The following MYOCD variants were observed in gnomAD, a reference collection of about 807,000 sequenced individuals.
MYOCD encodes myocardin.
A neutral mutation model predicts 96.1 loss-of-function variants in MYOCD; 32 were observed. The observed-to-expected ratio is 0.33, with a 90% confidence interval of 0.25 to 0.45. MYOCD has a LOEUF of 0.45. Ranked by LOEUF, MYOCD falls within the 20% of genes least tolerant of loss-of-function variation. The pLI, the probability that MYOCD is intolerant of heterozygous loss-of-function variation, is 1.00. For synonymous variants in MYOCD, 469 were observed against 469.0 expected (o/e 1.00, Z 0.00); for missense variants, 1,133 against 1,200.6 (o/e 0.94, Z 0.83).
intron 2 of MYOCD, among the ~76,000 whole-genome samples, chr17:12,708,398 C>CTTT (rs879670933): frequency 6.8e-6 from 1 of 146,196 alleles, no homozygotes; most frequent in Non-Finnish European, 1.5e-5. Context: ...AATAGAAATA[C>CTTT]TTTTTTTTTT....
At chr17:12,692,769 G>T (rs542932753) in intron 1 of MYOCD, among the ~76,000 whole-genome samples, 1 of 152,190 alleles carries the variant, frequency 6.6e-6, no homozygotes, top group South Asian at 2.1e-4. Context: ...GAGTGCCTCT[G>T]CTTTCTCTCC....
At chr17:12,745,078 G>A (rs1047576819) in intron 8 of MYOCD, among the ~76,000 whole-genome samples, 1 of 152,164 alleles carries the variant, frequency 6.6e-6, no homozygotes, top group Non-Finnish European at 1.5e-5. Flanking sequence ...GAGCAATTCC[G>A]ATGCCCTTCT....
intron 1 of MYOCD, among the ~76,000 whole-genome samples, chr17:12,673,923 G>A (rs1909859616): frequency 6.6e-6 from 1 of 152,192 alleles, no homozygotes. Context: ...TTTCAGTAGA[G>A]ATTGAAAAGG....
rs549551946 is a variant in MYOCD at position 12,757,813 on chromosome 17, T to C, written c.2203-272T>C. 1.4e-4 allele frequency among the ~76,000 whole-genome samples: 22 copies of C among 152,138 alleles called. No homozygotes were observed. In the East Asian group the frequency reaches 4.3e-3, roughly 30 times the overall value. On this transcript the variant is annotated intron_variant, in intron 11 of 13. Coordinates refer to ENST00000425538, the MANE Select transcript of MYOCD (RefSeq NM_001146312.3). The stretch of plus-strand genomic sequence containing the variant: ...CTAGCCTGATCTGTTTGTATTGAAT[T>C]GGACTGTTACTTATTTTCCCCTAAA...
At position 12,702,865 on chromosome 17, in the gene MYOCD, G is replaced by T. The variant is rs1008352074; in HGVS notation, c.56-2263G>T. Among the ~76,000 whole-genome samples the T allele has an allele frequency of 5.9e-5, 9 of 151,894 alleles. No homozygotes were observed. In the East Asian group the frequency reaches 1.4e-3, roughly 23 times the overall value. On this transcript the variant is annotated intron_variant, in intron 1 of 13. Coordinates refer to ENST00000425538, the MANE Select transcript of MYOCD (RefSeq NM_001146312.3). ...TACATCTATGTGCTTTAAGAGCATC[G>T]CAAGACAATGTTATAATTTTTCCTT... is the stretch of plus-strand genomic sequence containing the variant.
chr17:12,705,450 A>G (rs149064195), intron 2 of MYOCD: 15 of 361,724 alleles, frequency 4.1e-5, no homozygotes, highest in African/African-American at 2.7e-4. Context: ...GGTAAACACA[A>G]TTCATTATGG....
intron 1 of MYOCD, among the ~76,000 whole-genome samples, chr17:12,696,152 T>C (rs2030739121): frequency 8.2e-6 from 1 of 121,638 alleles, no homozygotes. Context: ...CACCTCCTAT[T>C]TTTTTTTAGT....
At chr17:12,667,005 A>C (rs1210932610) in intron 1 of MYOCD, among the ~76,000 whole-genome samples, 1 of 152,188 alleles carries the variant, frequency 6.6e-6, no homozygotes, top group Non-Finnish European at 1.5e-5. Flanking sequence ...TGACTTCTGA[A>C]GTTATTTTTC....
chr17:12,743,853 C>A (rs2032583311), intron 7 of MYOCD, among the ~76,000 whole-genome samples: 1 of 152,130 alleles, frequency 6.6e-6, no homozygotes, highest in South Asian at 2.1e-4. Flanking sequence ...TTTGTTAGGT[C>A]ATCAGTTGGT....
intron 2 of MYOCD, among the ~76,000 whole-genome samples, chr17:12,711,948 G>A (rs1219051184): frequency 7.1e-6 from 1 of 141,632 alleles, no homozygotes; most frequent in East Asian, 2.0e-4. Context: ...TTTTGAGACA[G>A]AGTCTCACTC....
At chr17:12,747,850 A>AT (rs1341079677) in intron 9 of MYOCD, among the ~76,000 whole-genome samples, 3 of 148,034 alleles carry the variant, frequency 2.0e-5, no homozygotes, top group Non-Finnish European at 3.0e-5. Context: ...TATGTGGATA[A>AT]TTTTTTGGAT....
At chr17:12,675,319 A>G (rs556503483) in intron 1 of MYOCD, among the ~76,000 whole-genome samples, 1 of 152,320 alleles carries the variant, frequency 6.6e-6, no homozygotes, top group African/African-American at 2.4e-5. Flanking sequence ...TAACAGATAC[A>G]ATTTTATCAC....
intron 5 of MYOCD, 109 bp downstream of exon 5, chr17:12,723,117 G>A: frequency 9.6e-7 from 1 of 1,046,578 alleles, no homozygotes; most frequent in South Asian, 1.6e-5. Context: ...CACCAGATAA[G>A]AGCCATACCA....
chr17:12,751,360 A>G (rs79780831), intron 9 of MYOCD, among the ~76,000 whole-genome samples: 1,701 of 152,150 alleles, frequency 0.011, 30 homozygotes, highest in African/African-American at 0.037. Context: ...TTCACTTGTT[A>G]CTATACCACA....
Position 12,768,380 on chromosome 17 carries a change from A to G in MYOCD, c.*4736A>G, listed in dbSNP as rs977813310. 1 of 152,234 alleles carries G rather than the reference A, an allele frequency of 6.6e-6. No individual in the cohort carries two copies. The highest frequency in any genetic ancestry group is 1.5e-5 in the Non-Finnish European group (1 of 68,036). 9.4% of individuals were successfully genotyped at this position (152,234 alleles called of 1,614,324 possible). ...GGGAAATTATCACAGGACTCATTGAATGCAATAACATGTGAGTAAGTTCCC... is the reference window on the plus strand; with the variant it reads ...GGGAAATTATCACAGGACTCATTGAGTGCAATAACATGTGAGTAAGTTCCC... On this transcript the variant is annotated 3_prime_UTR_variant, in exon 14 of 14. Transcript: ENST00000425538.
rs146472923 is a variant in MYOCD, at chr17:12,682,135, C to T, written c.55+15892C>T. Among the ~76,000 whole-genome samples the T allele has an allele frequency of 1.5e-4, 23 of 152,292 alleles. No individual in the cohort carries two copies. The East Asian group carries it at 4.3e-3, about 28-fold the overall frequency. ...AGCATTCTGTCAGCCACCCTCTTCT[C>T]TTTACCGGGAAATTCGATGCTTCTG... On this transcript the variant is annotated intron_variant, in intron 1 of 13. Coordinates refer to ENST00000425538, the MANE Select transcript of MYOCD (RefSeq NM_001146312.3).
At chr17:12,727,514 G>A (rs2032033579) in intron 5 of MYOCD, among the ~76,000 whole-genome samples, 1 of 152,114 alleles carries the variant, frequency 6.6e-6, no homozygotes, top group South Asian at 2.1e-4. Flanking sequence ...TGGTTGCACT[G>A]TGTATCATTC....
intron 2 of MYOCD, among the ~76,000 whole-genome samples, chr17:12,712,968 G>A (rs537147959): frequency 5.3e-5 from 8 of 152,230 alleles, no homozygotes; most frequent in East Asian, 1.9e-4. Flanking sequence ...CTTCATGGGA[G>A]GTGGCTAAAA....
In MYOCD at chr17:12,693,487, G is replaced by C. The variant is rs2150659183; in HGVS notation, c.56-11641G>C. On this transcript the variant is annotated intron_variant, in intron 1 of 13. Transcript: ENST00000425538. Reference sequence around the variant, plus strand: ...GAGCTGGACATGATGGTGTGTGTCTGTAATCCCAGCTACTCAGGAGGCTGA... The same window carrying C: ...GAGCTGGACATGATGGTGTGTGTCTCTAATCCCAGCTACTCAGGAGGCTGA... 1.3e-5 allele frequency among the ~76,000 whole-genome samples: 2 copies of C among 152,024 alleles called. 1 individual carries two copies. The highest frequency in any genetic ancestry group is 4.2e-4 in the South Asian group (2 of 4,818).
Sources: gnomAD v4.1 joint callset for allele counts (sites outside exome capture counted in the v4.1 genomes callset) on GRCh38, gnomAD v4.1.1 for gene constraint, MANE v1.5 for transcripts, NCBI Gene and HGNC (gene_info 2026-07-23, HGNC 2026-07-21) for gene names.